DGKI: variants seen among roughly 807,000 people sequenced by gnomAD.
The protein encoded by DGKI is DAG kinase iota.
A neutral mutation model predicts 147.5 loss-of-function variants in DGKI; 55 were observed. The ratio of observed to expected loss-of-function variants is 0.37; its 90% CI spans 0.30 to 0.47. The LOEUF (loss-of-function observed/expected upper bound fraction) is 0.47, where lower values mean the gene tolerates loss of function less well. Among genes scored for constraint, DGKI ranks in the 20% least tolerant of loss-of-function variants. DGKI has a pLI of 1.00. For missense variants in DGKI, 1,007 were observed against 1,323.8 expected, an observed-to-expected ratio of 0.76 and a Z score of 3.71; for synonymous variants, 469 against 477.1, an observed-to-expected ratio of 0.98 and a Z score of 0.22.
At chr7:137,826,693 C>A (rs1197576927) in intron 1 of DGKI, among the ~76,000 whole-genome samples, 1 of 151,894 alleles carries the variant, frequency 6.6e-6, no homozygotes, top group Non-Finnish European at 1.5e-5. Context: ...TTTTTAAAGT[C>A]CAGTGATGTG....
At chr7:137,426,766 C>G (rs10267409) in intron 28 of DGKI, among the ~76,000 whole-genome samples, 59,002 of 149,686 alleles carry the variant, frequency 0.39, 12,108 homozygotes, top group East Asian at 0.74. Flanking sequence ...TCTGATAAAA[C>G]AGACTTTAAA....
At chr7:137,779,284 G>A (rs1648466627) in intron 1 of DGKI, among the ~76,000 whole-genome samples, 1 of 150,392 alleles carries the variant, frequency 6.6e-6, no homozygotes, top group Non-Finnish European at 1.5e-5. Context: ...TGTTCATATG[G>A]AAAAAAAAAG....
Position 137,706,499 on chromosome 7 carries a change from T to TATTTTATTTTATTTC in DGKI, c.402-16512_402-16498dup, listed in dbSNP as rs1366798494. 2.7e-4 allele frequency among the ~76,000 whole-genome samples: 41 copies of TATTTTATTTTATTTC among 149,168 alleles called. No individual in the cohort carries two copies. The South Asian group carries it at 2.8e-3, about 10-fold the overall frequency. The stretch of plus-strand genomic sequence containing the variant: ...ATCCTTATTTTATTTTATTTTATTT[T>TATTTTATTTTATTTC]ATTTTATTTTATTTCATTTTATTTT... On this transcript the variant is annotated intron_variant, in intron 1 of 32. Coordinates refer to ENST00000614521, the MANE Select transcript of DGKI (RefSeq NM_001321708.2).
chr7:137,608,930 A>G, intron 10 of DGKI, 36 bp downstream of exon 10: 1 of 1,521,018 alleles, frequency 6.6e-7, no homozygotes, highest in Non-Finnish European at 9.1e-7. Context: ...GAAATTATCA[A>G]AACTTCTAAG....
intron 1 of DGKI, among the ~76,000 whole-genome samples, chr7:137,845,482 G>A (rs1369839301): frequency 1.3e-5 from 2 of 152,162 alleles, no homozygotes; most frequent in Non-Finnish European, 2.9e-5. Context: ...AACCCTCTGA[G>A]CTCCAGCAAG....
intron 27 of DGKI, among the ~76,000 whole-genome samples, chr7:137,455,317 G>A (rs1289794457): frequency 4.6e-5 from 7 of 151,986 alleles, no homozygotes; most frequent in South Asian, 2.1e-4. Context: ...AGATCAGTTC[G>A]AGGAGCTCTG....
At chr7:137,555,226 T>C (rs1818184294) in intron 19 of DGKI, among the ~76,000 whole-genome samples, 1 of 151,460 alleles carries the variant, frequency 6.6e-6, no homozygotes, top group Non-Finnish European at 1.5e-5. Flanking sequence ...AATTATTTTC[T>C]TTATTAAAAA....
At chr7:137,730,777 C>G (rs573175339) in intron 1 of DGKI, among the ~76,000 whole-genome samples, 2 of 152,054 alleles carry the variant, frequency 1.3e-5, no homozygotes, top group Admixed American at 1.3e-4. Flanking sequence ...TCACTCCCCA[C>G]GTTAAAAATC....
At chr7:137,829,423 C>T (rs933383740) in intron 1 of DGKI, among the ~76,000 whole-genome samples, 1 of 152,230 alleles carries the variant, frequency 6.6e-6, no homozygotes, top group Non-Finnish European at 1.5e-5. Context: ...GGATGGCTAT[C>T]TAGAGGCTTC....
chr7:137,584,533 T>C lies in DGKI; in HGVS notation c.1563+676A>G, dbSNP rs137953990. ...ACATAAAGATGACAACAATAGATAC[T>C]GGGGACCACTAGAGTAGAGAGGGAA... On this transcript the variant is annotated intron_variant, in intron 14 of 32. Transcript: ENST00000614521. Among the ~76,000 whole-genome samples, 707 of 152,284 alleles carry C rather than the reference T, an allele frequency of 4.6e-3. 7 individuals are homozygous for C. Among genetic ancestry groups the C allele is most frequent in the African/African-American group, 0.016 (677 of 41,560 alleles).
At chr7:137,738,681 C>A (rs1445817397) in intron 1 of DGKI, among the ~76,000 whole-genome samples, 1 of 151,556 alleles carries the variant, frequency 6.6e-6, no homozygotes, top group Non-Finnish European at 1.5e-5. Flanking sequence ...CTAGCCCTGT[C>A]TTATGTGAAC....
intron 17 of DGKI, among the ~76,000 whole-genome samples, chr7:137,574,473 G>A (rs571931367): frequency 1.3e-5 from 2 of 152,262 alleles, no homozygotes; most frequent in South Asian, 4.1e-4. Context: ...CATTATGGTT[G>A]CATTGCAGAA....
intron 1 of DGKI, among the ~76,000 whole-genome samples, chr7:137,752,999 A>C (rs1032422858): frequency 2.6e-5 from 4 of 151,876 alleles, no homozygotes; most frequent in African/African-American, 9.7e-5. Context: ...TATCACTCAC[A>C]AACATACACG....
chr7:137,395,896 T>C, intron 31 of DGKI, 199 bp from the exon 32 acceptor site: 1 of 547,082 alleles, frequency 1.8e-6, no homozygotes, highest in Non-Finnish European at 3.3e-6. Context: ...GATCATAATA[T>C]CTGACTCTAG....
At chr7:137,620,541 A>G (rs769456392) in intron 7 of DGKI, among the ~76,000 whole-genome samples, 3 of 152,174 alleles carry the variant, frequency 2.0e-5, no homozygotes, top group Non-Finnish European at 4.4e-5. Context: ...AAATCCCAGA[A>G]GTAACAAAGT....
chr7:137,759,944 T>C (rs1290305254), intron 1 of DGKI, among the ~76,000 whole-genome samples: 2 of 152,174 alleles, frequency 1.3e-5, no homozygotes, highest in African/African-American at 4.8e-5. Context: ...CAAAAAGGCA[T>C]ACTAGTTGTG....
intron 1 of DGKI, among the ~76,000 whole-genome samples, chr7:137,728,121 G>A (rs1198220929): frequency 6.6e-6 from 1 of 152,176 alleles, no homozygotes; most frequent in South Asian, 2.1e-4. Context: ...AGAATGTCTG[G>A]TCAATAAATA....
intron 6 of DGKI, among the ~76,000 whole-genome samples, chr7:137,633,830 T>C (rs1015177510): frequency 6.6e-6 from 1 of 152,270 alleles, no homozygotes; most frequent in Non-Finnish European, 1.5e-5. Context: ...TACAGGCATG[T>C]ACCAGGGCTT....
chr7:137,783,833 A>G (rs761828557), intron 1 of DGKI, among the ~76,000 whole-genome samples: 2 of 152,224 alleles, frequency 1.3e-5, no homozygotes, highest in African/African-American at 2.4e-5. Flanking sequence ...TAGCCTCCTT[A>G]AGCAAAACAG....
Sources: allele counts gnomAD v4.1 joint callset (sites outside exome capture counted in the v4.1 genomes callset), GRCh38; gene constraint gnomAD v4.1.1; transcripts MANE v1.5; gene names NCBI Gene and HGNC (gene_info 2026-07-23, HGNC 2026-07-21).